The following DPP6 variants were observed in gnomAD, a reference collection of about 807,000 sequenced individuals.
DPP6 encodes dipeptidyl peptidase like 6.
A neutral mutation model predicts 122.6 loss-of-function variants in DPP6; 69 were observed. The observed-to-expected ratio is 0.56, with a 90% CI of 0.46 to 0.69. The LOEUF is 0.69. DPP6 is among the 30% of genes least tolerant of loss of function. DPP6 has a pLI of 0.00. For missense variants in DPP6, 928 were observed against 1,116.9 expected, an observed-to-expected ratio of 0.83 and a Z score of 2.41; for synonymous variants, 418 against 433.1, an observed-to-expected ratio of 0.97 and a Z score of 0.43.
the DPP6 span, among the ~76,000 whole-genome samples, chr7:153,749,784 C>G: frequency 5.9e-5 from 9 of 152,140 alleles, no homozygotes; most frequent in African/African-American, 2.2e-4. The surrounding 1 kb of genome is among the most constrained non-coding windows in gnomAD (Gnocchi z 4.1). Flanking sequence ...AATTCCTTAC[C>G]CGGGTTACAT....
intron 3 of DPP6, among the ~76,000 whole-genome samples, chr7:154,490,311 C>T (rs996417798): frequency 1.3e-5 from 2 of 152,330 alleles, no homozygotes; most frequent in East Asian, 1.9e-4. Context: ...TCTCTTCCCC[C>T]GGCTCCCTCG....
chr7:154,633,000 C>G (rs1320348302), intron 5 of DPP6, among the ~76,000 whole-genome samples: 1 of 152,086 alleles, frequency 6.6e-6, no homozygotes, highest in Admixed American at 6.6e-5. Context: ...TTTGCTGAAA[C>G]TGTTTTTCCA....
intron 1 of DPP6, among the ~76,000 whole-genome samples, chr7:153,906,333 G>A (rs2129000972): frequency 6.6e-6 from 1 of 152,230 alleles, no homozygotes; most frequent in South Asian, 2.1e-4. Context: ...GGTAGTATGT[G>A]ACACCCCACA....
intron 1 of DPP6, among the ~76,000 whole-genome samples, chr7:154,147,786 C>T (rs1358186091): frequency 0.031 from 4,472 of 144,078 alleles, no homozygotes; most frequent in African/African-American, 0.11. Flanking sequence ...TCAGGTGATC[C>T]GCCTGCCTCA....
rs1188032204 is a variant in DPP6, at chr7:154,872,686, C to T, written c.1876C>T (p.Leu626=). ...FTDTTHYPLL[L]VVDGTPGSQS... ...CGACACCACCCACTACCCTCTGCTC[C>T]TGGTGGTGTAAGTATCGTCACATCT... The change falls in exon 19 of 26, where the codon CTG becomes TTG. Residue 626 remains leucine (L), a synonymous_variant. Transcript: ENST00000377770. The T allele has an allele frequency of 5.6e-6, 9 of 1,596,196 alleles. No individual in the cohort carries two copies. The highest frequency in any genetic ancestry group is 6.8e-6 in the Non-Finnish European group (8 of 1,171,570).
chr7:154,855,378 A>C (rs1802742964), intron 17 of DPP6, among the ~76,000 whole-genome samples: 1 of 152,164 alleles, frequency 6.6e-6, no homozygotes. Context: ...AACACTCAGA[A>C]TGGCCGTTGG....
At chr7:154,783,809 T>C (rs1188369570) in intron 10 of DPP6, among the ~76,000 whole-genome samples, 1 of 152,068 alleles carries the variant, frequency 6.6e-6, no homozygotes, top group African/African-American at 2.4e-5. Flanking sequence ...GCTCCCCGCC[T>C]GGCCAACCCA....
intron 1 of DPP6, chr7:154,093,631 A>ACCATACACACACACACACACACC (rs1805080873): frequency 2.3e-5 from 3 of 128,542 alleles, no homozygotes; most frequent in Admixed American, 1.6e-4. Context: ...ACACACACAC[A>ACCATACACACACACACACACACC]CCATACACAC....
At chr7:154,610,171 A>C (rs1833818584) in intron 5 of DPP6, among the ~76,000 whole-genome samples, 1 of 152,200 alleles carries the variant, frequency 6.6e-6, no homozygotes, top group African/African-American at 2.4e-5. Context: ...AGTCCAACTG[A>C]AGAGAGAAGA....
Position 154,125,730 on chromosome 7 carries a change from A to G in DPP6, c.243+72667A>G, listed in dbSNP as rs1227358519. 2.0e-5 allele frequency among the ~76,000 whole-genome samples: 3 copies of G among 152,186 alleles called. No individual in the cohort carries two copies. In the East Asian group the frequency reaches 5.8e-4, roughly 29 times the overall value. On this transcript the variant is annotated intron_variant, in intron 1 of 25. Coordinates refer to ENST00000377770, the MANE Select transcript of DPP6 (RefSeq NM_130797.4). Reference sequence around the variant, plus strand: ...CCCCTGTGGCTAGAGGCGAGGGTGAAGATAATGGGTTCACATTGCACAGAT... The same window carrying G: ...CCCCTGTGGCTAGAGGCGAGGGTGAGGATAATGGGTTCACATTGCACAGAT...
chr7:154,668,220 A>ATATATAT lies in DPP6; in HGVS notation c.681-1136_681-1135insTATTATA, dbSNP rs59348250. ...TTTTATATATATATATATATATATAATATACACATTTTTTTTTCAAGACAG... is the reference window on the plus strand; with the variant it reads ...TTTTATATATATATATATATATATAATATATATTATACACATTTTTTTTTCAAGACAG... On this transcript the variant is annotated intron_variant, in intron 6 of 25. Coordinates refer to ENST00000377770, the MANE Select transcript of DPP6 (RefSeq NM_130797.4). 4.4e-4 allele frequency among the ~76,000 whole-genome samples: 11 copies of ATATATAT among 24,992 alleles called. 1 individual carries two copies. The highest frequency in any genetic ancestry group is 7.3e-4 in the Non-Finnish European group (6 of 8,234). 16.4% of individuals were successfully genotyped at this position (24,992 alleles called of 152,430 possible). A position where few individuals can be genotyped will look rare whatever the true frequency, so the allele number is the denominator to read the frequency against.
At chr7:154,487,401 G>A (rs1378988948) in intron 3 of DPP6, among the ~76,000 whole-genome samples, 4 of 152,118 alleles carry the variant, frequency 2.6e-5, no homozygotes, top group African/African-American at 4.8e-5. Context: ...GACAGGATAC[G>A]CCGTGCAGCG....
chr7:154,198,791 A>G (rs1799010198), intron 1 of DPP6, among the ~76,000 whole-genome samples: 2 of 152,060 alleles, frequency 1.3e-5, no homozygotes, highest in Non-Finnish European at 2.9e-5. Flanking sequence ...CTGTTTTGTA[A>G]ATTGACCTTC....
chr7:154,834,007 G>A (rs1800834097), intron 16 of DPP6, among the ~76,000 whole-genome samples: 1 of 152,078 alleles, frequency 6.6e-6, no homozygotes, highest in South Asian at 2.1e-4. Flanking sequence ...TGCCCAGTGA[G>A]GTCATCAGCA....
At chr7:154,669,268 G>A in intron 6 of DPP6, 92 bp from the exon 7 acceptor site, 1 of 1,540,938 alleles carries the variant, frequency 6.5e-7, no homozygotes, top group South Asian at 1.2e-5. Context: ...GGAGAAAGGA[G>A]TTAAGTTATA....
intron 1 of DPP6, among the ~76,000 whole-genome samples, chr7:154,205,600 G>T (rs555914105): frequency 7.9e-5 from 12 of 151,984 alleles, no homozygotes; most frequent in Non-Finnish European, 1.6e-4. Context: ...GAGTGATGAG[G>T]ACCTGAAGGC....
intron 1 of DPP6, among the ~76,000 whole-genome samples, chr7:154,126,581 G>A (rs960912054): frequency 6.6e-6 from 1 of 151,488 alleles, no homozygotes; most frequent in African/African-American, 2.4e-5. Context: ...GAACATGGGT[G>A]TAGCTTTCAG....
At chr7:153,814,940 G>A in the DPP6 span, among the ~76,000 whole-genome samples, 8 of 152,042 alleles carry the variant, frequency 5.3e-5, no homozygotes, top group Non-Finnish European at 1.2e-4. Context: ...AATAAATTAG[G>A]TATTGATGGG....
Position 154,305,586 on chromosome 7 carries a change from G to C in DPP6, c.244-140628G>C, listed in dbSNP as rs779481059. ...CTTTTGGGGGTCCGTGTGTGTGTGT[G>C]TGCGTGCGTGTGCATGCGTGCATAT... On this transcript the variant is annotated intron_variant, in intron 1 of 25. Transcript: ENST00000377770. 5.1e-6 allele frequency: 8 copies of C among 1,574,180 alleles called. No individual in the cohort carries two copies. The East Asian group carries it at 1.9e-4, about 37-fold the overall frequency.
Sources: allele counts gnomAD v4.1 joint callset (sites outside exome capture counted in the v4.1 genomes callset), GRCh38; gene constraint gnomAD v4.1.1; non-coding constraint Gnocchi (gnomAD v3.1); transcripts MANE v1.5; gene names NCBI Gene and HGNC (gene_info 2026-07-23, HGNC 2026-07-21).